VPS13B: variants seen among roughly 807,000 people sequenced by gnomAD.
VPS13B encodes the protein intermembrane lipid transfer protein VPS13B.
In VPS13B, 285 loss-of-function variants were observed where a neutral mutation model predicts 426.4. That is an observed-to-expected ratio of 0.67 (90% CI 0.61 to 0.74). The LOEUF (loss-of-function observed/expected upper bound fraction) is 0.74, where lower values mean the gene tolerates loss of function less well. VPS13B is among the 30% of genes least tolerant of loss of function. VPS13B has a pLI of 0.00. For missense variants in VPS13B, 4,537 were observed against 4,782.6 expected (o/e 0.95, Z 1.51); for synonymous variants, 1,676 against 1,676.4 (o/e 1.00, Z 0.01).
At chr8:99,119,197 T>G (rs1397964002) in intron 7 of VPS13B, among the ~76,000 whole-genome samples, 1 of 152,194 alleles carries the variant, frequency 6.6e-6, no homozygotes, top group African/African-American at 2.4e-5. Flanking sequence ...TATTTGTCCA[T>G]TTAAAGCTTT....
intron 22 of VPS13B, among the ~76,000 whole-genome samples, chr8:99,433,300 C>G (rs1484397275): frequency 6.6e-6 from 1 of 152,160 alleles, no homozygotes; most frequent in Non-Finnish European, 1.5e-5. Context: ...GAATTAAGCT[C>G]CAGGTGTCCA....
chr8:99,148,816 G>A (rs1810895578), intron 14 of VPS13B, among the ~76,000 whole-genome samples: 1 of 152,182 alleles, frequency 6.6e-6, no homozygotes, highest in African/African-American at 2.4e-5. Flanking sequence ...GACTTCTATT[G>A]GTACATGGTG....
At chr8:99,638,268 CT>C (rs1183222214) in intron 33 of VPS13B, among the ~76,000 whole-genome samples, 4 of 152,090 alleles carry the variant, frequency 2.6e-5, no homozygotes, top group African/African-American at 7.2e-5. Context: ...TGCTAGCTGT[CT>C]GACCTTGGAA....
chr8:99,105,185 G>A (rs909031860), intron 5 of VPS13B, among the ~76,000 whole-genome samples: 1 of 152,148 alleles, frequency 6.6e-6, no homozygotes, highest in Admixed American at 6.5e-5. Context: ...TTTGTTGTGA[G>A]CATAAAAGTG....
chr8:99,737,459 C>G (rs969634428), intron 39 of VPS13B, among the ~76,000 whole-genome samples: 3 of 152,190 alleles, frequency 2.0e-5, no homozygotes, highest in East Asian at 3.9e-4. Flanking sequence ...AAAGCAGCAG[C>G]CTTCCCCCAC....
chr8:99,266,221 T>A lies in VPS13B; in HGVS notation c.2516-7977T>A, dbSNP rs140781987. 4.3e-4 allele frequency among the ~76,000 whole-genome samples: 66 copies of A among 151,836 alleles called. 1 individual carries two copies. Among genetic ancestry groups the A allele is most frequent in the Admixed American group, 3.7e-3 (57 of 15,248 alleles). The stretch of plus-strand genomic sequence containing the variant: ...AAGGTTGGTGGAAAAAGAATTAGGG[T>A]TAGCCTGGGCACCATAGTGAGACCC... On this transcript the variant is annotated intron_variant, in intron 17 of 61. Transcript: ENST00000357162.
intron 19 of VPS13B, among the ~76,000 whole-genome samples, chr8:99,334,393 G>A (rs1315419439): frequency 6.6e-6 from 1 of 152,048 alleles, no homozygotes; most frequent in African/African-American, 2.4e-5. Flanking sequence ...CTTGAAGGTC[G>A]AATAGGAGTG....
rs138188460 is a variant in VPS13B, at chr8:99,323,788, A to G, written c.2824+48534A>G. On this transcript the variant is annotated intron_variant, in intron 19 of 61. Transcript: ENST00000357162. The stretch of plus-strand genomic sequence containing the variant: ...AAATAATTAGCTTGCATTTTGATTA[A>G]TCTTGATTGTGCTCTGATACAAAAT... 9.6e-3 allele frequency among the ~76,000 whole-genome samples: 1,455 copies of G among 152,298 alleles called. 17 individuals are homozygous for G. The highest frequency in any genetic ancestry group is 0.029 in the South Asian group (142 of 4,824).
At chr8:99,779,259 C>T (rs561566395) in intron 42 of VPS13B, among the ~76,000 whole-genome samples, 2 of 152,260 alleles carry the variant, frequency 1.3e-5, no homozygotes, top group Non-Finnish European at 2.9e-5. Context: ...GGAGATCATG[C>T]CCACATTTTT....
intron 39 of VPS13B, among the ~76,000 whole-genome samples, chr8:99,758,791 T>G (rs1810768203): frequency 1.3e-5 from 2 of 152,086 alleles, no homozygotes; most frequent in Admixed American, 1.3e-4. Context: ...TCTCCTTGAT[T>G]AATGAACTCT....
intron 2 of VPS13B, among the ~76,000 whole-genome samples, chr8:99,034,694 G>C (rs1842664286): frequency 6.6e-6 from 1 of 152,010 alleles, no homozygotes; most frequent in Non-Finnish European, 1.5e-5. Flanking sequence ...TTGCTGTTTT[G>C]TTGCCTGACC....
At chr8:99,807,907 C>T (rs903349394) in intron 43 of VPS13B, among the ~76,000 whole-genome samples, 9 of 144,248 alleles carry the variant, frequency 6.2e-5, no homozygotes, top group African/African-American at 2.1e-4. Context: ...ATCTTAACAT[C>T]GAAAACGTAT....
At chr8:99,013,486 G>A in intron 1 of VPS13B, 139 bp downstream of exon 1, 1 of 406,480 alleles carries the variant, frequency 2.5e-6, no homozygotes, top group Non-Finnish European at 4.6e-6. Flanking sequence ...GGCTACTGCG[G>A]CCGAAGGGGA....
intron 16 of VPS13B, among the ~76,000 whole-genome samples, chr8:99,182,406 G>A (rs1393157656): frequency 2.6e-5 from 4 of 151,636 alleles, no homozygotes; most frequent in African/African-American, 7.3e-5. Flanking sequence ...TTGGGGTGAG[G>A]GTTATAACAC....
chr8:99,397,800 C>T (rs1448925576), intron 21 of VPS13B, among the ~76,000 whole-genome samples: 2 of 152,324 alleles, frequency 1.3e-5, no homozygotes, highest in Middle Eastern at 3.4e-3. Context: ...CTTTCTGCCT[C>T]ATTAAGCACT....
chr8:99,581,031 A>AC (rs1826032379), intron 33 of VPS13B, among the ~76,000 whole-genome samples: 15 of 148,184 alleles, frequency 1.0e-4, no homozygotes, highest in Admixed American at 2.0e-4. Context: ...ACACACACAC[A>AC]AATTAGGCAG....
chr8:99,337,358 T>C (rs1340002921), intron 19 of VPS13B, among the ~76,000 whole-genome samples: 1 of 106,346 alleles, frequency 9.4e-6, no homozygotes, highest in East Asian at 3.2e-4. Context: ...CTCTGGGGAC[T>C]GTTGTGGGGT....
At chr8:99,014,120 T>TTTC (rs1202303937) in intron 2 of VPS13B, among the ~76,000 whole-genome samples, 185 bp downstream of exon 2, 1 of 130,832 alleles carries the variant, frequency 7.6e-6, no homozygotes, top group African/African-American at 2.8e-5. Context: ...CTTTTTTTTT[T>TTTC]TTTTTTTTTT....
chr8:99,323,865 A>C (rs1419892972), intron 19 of VPS13B, among the ~76,000 whole-genome samples: 6 of 152,188 alleles, frequency 3.9e-5, no homozygotes, highest in Non-Finnish European at 5.9e-5. Flanking sequence ...GATTTATTGA[A>C]TATCTTGGAA....
Sources: gnomAD v4.1 joint callset for allele counts (sites outside exome capture counted in the v4.1 genomes callset) on GRCh38, gnomAD v4.1.1 for gene constraint, MANE v1.5 for transcripts, NCBI Gene and HGNC (gene_info 2026-07-23, HGNC 2026-07-21) for gene names.